PSD3: variants seen among roughly 807,000 people sequenced by gnomAD.
The protein encoded by PSD3 is PH and SEC7 domain-containing protein 3.
Under a neutral mutation model 105.5 loss-of-function variants are expected in PSD3, and 49 were observed. The observed-to-expected ratio is 0.46, with a 90% CI of 0.37 to 0.59. The LOEUF (loss-of-function observed/expected upper bound fraction) is 0.59. PSD3 is among the 20% of genes least tolerant of loss of function. The pLI, the probability that PSD3 is intolerant of heterozygous loss-of-function variation, is 0.00. For synonymous variants in PSD3, 557 were observed against 457.8 expected (o/e 1.22, Z -2.77); for missense variants, 1,561 against 1,263.8 (o/e 1.24, Z -3.57).
At chr8:18,860,722 T>C (rs941839013) in intron 4 of PSD3, among the ~76,000 whole-genome samples, 2 of 152,328 alleles carry the variant, frequency 1.3e-5, no homozygotes, top group African/African-American at 2.4e-5. Flanking sequence ...GTTGCAAATA[T>C]GGTGCTAAGA....
chr8:18,821,872 C>CACACACACA (rs10625767), intron 4 of PSD3, among the ~76,000 whole-genome samples: 1,946 of 137,316 alleles, frequency 0.014, 41 homozygotes, highest in African/African-American at 0.052. Flanking sequence ...TGCACACACA[C>CACACACACA]CACACACACA....
At chr8:18,965,372 C>T (rs781377830) in intron 1 of PSD3, among the ~76,000 whole-genome samples, 2 of 152,154 alleles carry the variant, frequency 1.3e-5, no homozygotes, top group African/African-American at 4.8e-5. Flanking sequence ...GAATAGGTTG[C>T]GCCCTTGAGG....
chr8:18,585,961 C>A (rs548266830), intron 12 of PSD3, among the ~76,000 whole-genome samples: 2 of 151,950 alleles, frequency 1.3e-5, no homozygotes, highest in Non-Finnish European at 2.9e-5. Flanking sequence ...TTTGGAAGAG[C>A]CTTTTAATGC....
chr8:18,647,947 A>C (rs1400792181), intron 10 of PSD3, among the ~76,000 whole-genome samples: 1 of 152,132 alleles, frequency 6.6e-6, no homozygotes, highest in African/African-American at 2.4e-5. Context: ...CTGTGATTTA[A>C]AGTTTCCCGA....
chr8:18,646,704 A>T (rs1442219179), intron 10 of PSD3, among the ~76,000 whole-genome samples: 1 of 152,156 alleles, frequency 6.6e-6, no homozygotes, highest in Non-Finnish European at 1.5e-5. Context: ...TGAAAAGAAA[A>T]CTATTCGTCC....
At chr8:18,567,079 A>G (rs901660198) in intron 14 of PSD3, among the ~76,000 whole-genome samples, 1 of 152,160 alleles carries the variant, frequency 6.6e-6, no homozygotes, top group Non-Finnish European at 1.5e-5. Context: ...TCAAGGAAAC[A>G]CTCATATGTT....
chr8:18,782,165 GA>G (rs1365409125), intron 8 of PSD3, among the ~76,000 whole-genome samples: 2 of 151,808 alleles, frequency 1.3e-5, no homozygotes, highest in Non-Finnish European at 2.9e-5. Context: ...GTATTTCATA[GA>G]TTTTTTTTAA....
At chr8:19,046,196 C>G (rs1170046778) in intron 1 of PSD3, among the ~76,000 whole-genome samples, 2 of 152,196 alleles carry the variant, frequency 1.3e-5, no homozygotes, top group African/African-American at 4.8e-5. Flanking sequence ...ACTGCAACCT[C>G]TACCTCCCAG....
intron 1 of PSD3, among the ~76,000 whole-genome samples, chr8:18,971,759 C>T (rs1006799830): frequency 6.6e-6 from 1 of 152,182 alleles, no homozygotes; most frequent in South Asian, 2.1e-4. Context: ...AATCTCAGCA[C>T]TTTGGGAGGC....
At chr8:18,768,037 G>A (rs1167362532) in intron 8 of PSD3, among the ~76,000 whole-genome samples, 4 of 145,752 alleles carry the variant, frequency 2.7e-5, no homozygotes, top group South Asian at 4.3e-4. Context: ...TTGGGAGGCC[G>A]AGACAGGCGG....
chr8:18,752,561 T>G, intron 9 of PSD3, among the ~76,000 whole-genome samples: 1 of 85,550 alleles, frequency 1.2e-5, no homozygotes, highest in African/African-American at 7.0e-5. Context: ...TATAATTATA[T>G]ATATTATATA....
intron 14 of PSD3, among the ~76,000 whole-genome samples, chr8:18,569,413 A>C (rs1021832079): frequency 1.4e-4 from 21 of 150,564 alleles, no homozygotes; most frequent in Non-Finnish European, 2.7e-4. Flanking sequence ...CTGGTGTGAG[A>C]TGGTATCTCA....
At chr8:18,687,277 A>C (rs1800709819) in intron 9 of PSD3, among the ~76,000 whole-genome samples, 1 of 152,106 alleles carries the variant, frequency 6.6e-6, no homozygotes, top group Non-Finnish European at 1.5e-5. Context: ...CAACCTGGGC[A>C]AAACAGTGAA....
intron 8 of PSD3, 24 bp downstream of exon 8, chr8:18,799,271 T>C: frequency 6.3e-7 from 1 of 1,575,330 alleles, no homozygotes; most frequent in Non-Finnish European, 8.7e-7. Flanking sequence ...GTTTTGGATC[T>C]AAGTTTCACA....
chr8:18,934,577 AT>A (rs565531863), intron 2 of PSD3, among the ~76,000 whole-genome samples: 5 of 149,758 alleles, frequency 3.3e-5, no homozygotes, highest in Non-Finnish European at 6.0e-5. Flanking sequence ...CGCCCGGCTA[AT>A]TTTTTTTTTA....
At chr8:18,950,788 A>C (rs190861690) in intron 1 of PSD3, among the ~76,000 whole-genome samples, 5 of 152,172 alleles carry the variant, frequency 3.3e-5, no homozygotes, top group Non-Finnish European at 7.4e-5. Flanking sequence ...CTCTCGGGGA[A>C]CATCAGGTTG....
At chr8:18,559,057 T>G (rs147429994) in intron 14 of PSD3, among the ~76,000 whole-genome samples, 2 of 152,196 alleles carry the variant, frequency 1.3e-5, no homozygotes, top group Non-Finnish European at 2.9e-5. Flanking sequence ...TTGTGGGATT[T>G]TTTTTCCCTG....
intron 1 of PSD3, among the ~76,000 whole-genome samples, chr8:19,063,623 C>A (rs1363856681): frequency 3.3e-5 from 5 of 152,102 alleles, no homozygotes; most frequent in African/African-American, 4.8e-5. Flanking sequence ...GTCTGGAGAT[C>A]AATAGCGAGT....
chr8:18,993,212 A>G (rs916244422), intron 1 of PSD3, among the ~76,000 whole-genome samples: 5 of 152,162 alleles, frequency 3.3e-5, no homozygotes, highest in Non-Finnish European at 7.4e-5. Context: ...TCTTTAGATC[A>G]TATTCTTTAT....
Sources: gnomAD v4.1 joint callset for allele counts (sites outside exome capture counted in the v4.1 genomes callset) on GRCh38, gnomAD v4.1.1 for gene constraint, MANE v1.5 for transcripts, NCBI Gene and HGNC (gene_info 2026-07-23, HGNC 2026-07-21) for gene names.